The following FLI1 variants were observed in gnomAD, a reference collection of about 807,000 sequenced individuals.
FLI1 encodes Friend leukemia integration 1 transcription factor.
FLI1 carries 13 observed loss-of-function variants against 53.1 expected under a neutral mutation model. The ratio of observed to expected loss-of-function variants is 0.24; its 90% CI spans 0.16 to 0.39. The LOEUF is 0.39. Among genes scored for constraint, FLI1 ranks in the 10% least tolerant of loss-of-function variants. The pLI is 1.00. For missense variants in FLI1, 424 were observed against 600.5 expected, an observed-to-expected ratio of 0.71 and a Z score of 3.07; for synonymous variants, 244 against 236.7, an observed-to-expected ratio of 1.03 and a Z score of -0.28.
At chr11:128,711,308 G>T (rs1938775924) in intron 1 of FLI1, among the ~76,000 whole-genome samples, 2 of 152,174 alleles carry the variant, frequency 1.3e-5, no homozygotes, top group South Asian at 2.1e-4. Context: ...GGATTATTTT[G>T]ATCTGAGTCA....
At chr11:128,726,126 T>C (rs1591756888) in intron 1 of FLI1, among the ~76,000 whole-genome samples, 1 of 152,136 alleles carries the variant, frequency 6.6e-6, no homozygotes, top group African/African-American at 2.4e-5. Context: ...AGGTCCGGTC[T>C]CCCCTCTCCA....
At chr11:128,756,800 G>A (rs1373629284) in intron 1 of FLI1, among the ~76,000 whole-genome samples, 1 of 152,182 alleles carries the variant, frequency 6.6e-6, no homozygotes, top group African/African-American at 2.4e-5. Context: ...GACCTTGGAT[G>A]CCTGTGATTC....
chr11:128,791,720 A>C (rs560167879), intron 5 of FLI1, among the ~76,000 whole-genome samples: 1 of 152,164 alleles, frequency 6.6e-6, no homozygotes, highest in South Asian at 2.1e-4. Flanking sequence ...CTAAATTTCC[A>C]TTGCATGGGA....
intron 1 of FLI1, among the ~76,000 whole-genome samples, chr11:128,720,659 C>T (rs1043282196): frequency 5.9e-5 from 9 of 152,190 alleles, no homozygotes; most frequent in Non-Finnish European, 1.2e-4. Flanking sequence ...CAGGAGGCCT[C>T]TTTTTGCATA....
chr11:128,752,238 A>T (rs952177725), intron 1 of FLI1, among the ~76,000 whole-genome samples: 1 of 152,078 alleles, frequency 6.6e-6, no homozygotes, highest in Admixed American at 6.5e-5. Flanking sequence ...AGCCTTCCAA[A>T]ATGCTGGGAT....
chr11:128,760,648 C>G (rs1941079241), intron 2 of FLI1, among the ~76,000 whole-genome samples: 1 of 151,492 alleles, frequency 6.6e-6, no homozygotes, highest in Non-Finnish European at 1.5e-5. Flanking sequence ...TTGCCTCAGC[C>G]TCCTGAGTAT....
At chr11:128,765,434 G>A (rs906775349) in intron 2 of FLI1, among the ~76,000 whole-genome samples, 16 of 152,162 alleles carry the variant, frequency 1.1e-4, no homozygotes, top group South Asian at 2.1e-4. Flanking sequence ...CCAGGGGCCC[G>A]GCTGATGTGG....
At chr11:128,733,622 A>G (rs547791678) in intron 1 of FLI1, among the ~76,000 whole-genome samples, 22 of 152,330 alleles carry the variant, frequency 1.4e-4, no homozygotes, top group African/African-American at 5.3e-4. Context: ...TCAAGCTACA[A>G]AGATCACATT....
chr11:128,795,358 T>C (rs1053820631), intron 5 of FLI1, among the ~76,000 whole-genome samples: 2 of 152,200 alleles, frequency 1.3e-5, no homozygotes, highest in African/African-American at 4.8e-5. Context: ...GTGAGTTTTC[T>C]CCTGGCTCTT....
rs142548546 is a variant in FLI1, at chr11:128,772,994, C to T, written c.589+9C>T. 9.4e-5 allele frequency: 151 copies of T among 1,611,736 alleles called. No individual in the cohort carries two copies. The highest frequency in any genetic ancestry group is 1.3e-4 in the East Asian group (6 of 44,882). On this transcript the variant is annotated intron_variant, in intron 4 of 8. Transcript: ENST00000527786. Reference sequence around the variant, plus strand: ...CAGTTACCTCAGGGAAAGTAAGTGCCGCCCAAGTACCCAGGGCTGGGAGGA... The same window carrying T: ...CAGTTACCTCAGGGAAAGTAAGTGCTGCCCAAGTACCCAGGGCTGGGAGGA...
At chr11:128,808,952 T>C (rs1423726193) in intron 7 of FLI1, among the ~76,000 whole-genome samples, 1 of 152,218 alleles carries the variant, frequency 6.6e-6, no homozygotes, top group Non-Finnish European at 1.5e-5. Flanking sequence ...TCCTATTCTT[T>C]GTTCTTTCTG....
intron 1 of FLI1, among the ~76,000 whole-genome samples, chr11:128,700,232 G>C (rs1186440977): frequency 6.6e-6 from 1 of 152,178 alleles, no homozygotes; most frequent in East Asian, 1.9e-4. Flanking sequence ...TAGCCCTATG[G>C]GAGATAATAC....
At chr11:128,708,542 C>T (rs560993767) in intron 1 of FLI1, among the ~76,000 whole-genome samples, 4 of 152,152 alleles carry the variant, frequency 2.6e-5, no homozygotes, top group Admixed American at 6.5e-5. Context: ...AGGCTGGCTT[C>T]GTGACATTGG....
At chr11:128,740,638 C>G (rs1940095579) in intron 1 of FLI1, among the ~76,000 whole-genome samples, 1 of 152,188 alleles carries the variant, frequency 6.6e-6, no homozygotes, top group African/African-American at 2.4e-5. Flanking sequence ...GGGAGAAGCC[C>G]CGCCCAAACT....
chr11:128,750,522 G>C (rs1940597391), intron 1 of FLI1, among the ~76,000 whole-genome samples: 1 of 152,220 alleles, frequency 6.6e-6, no homozygotes, highest in South Asian at 2.1e-4. Flanking sequence ...CCACACACAG[G>C]ATAATGGCAG....
chr11:128,768,062 G>A (rs1235322339), intron 2 of FLI1, 56 bp from the exon 3 acceptor site: 3 of 1,501,802 alleles, frequency 2.0e-6, no homozygotes, highest in Admixed American at 4.1e-5. Flanking sequence ...CAGAGGCTGA[G>A]GCAAGCTGCC....
intron 1 of FLI1, among the ~76,000 whole-genome samples, chr11:128,746,725 C>T (rs1172895546): frequency 1.3e-5 from 2 of 152,134 alleles, no homozygotes; most frequent in East Asian, 1.9e-4. Flanking sequence ...TCACTCCCCA[C>T]GGAAGCTTTT....
intron 1 of FLI1, among the ~76,000 whole-genome samples, chr11:128,746,054 C>T (rs1940374173): frequency 6.6e-6 from 1 of 152,150 alleles, no homozygotes; most frequent in Non-Finnish European, 1.5e-5. Context: ...GAAAATTAGG[C>T]AAGCCTTGGG....
Position 128,764,558 on chromosome 11 carries a change from T to C in FLI1, c.231-3560T>C, listed in dbSNP as rs1402812433. 4 of 1,168,226 alleles carry C rather than the reference T, an allele frequency of 3.4e-6. No individual in the cohort carries two copies. The Admixed American group carries it at 8.1e-5, about 24-fold the overall frequency. The allele number at this position is 1,168,226 out of a possible 1,614,324, so 72.4% of individuals were successfully genotyped here. On this transcript the variant is annotated intron_variant, in intron 2 of 8. Transcript: ENST00000527786. ...CCATGCTAGCTGTAAGTGCAGGTCT[T>C]AATACAAATTAGCAGCAGTGCAGGC...
Sources: gnomAD v4.1 joint callset for allele counts (sites outside exome capture counted in the v4.1 genomes callset) on GRCh38, gnomAD v4.1.1 for gene constraint, MANE v1.5 for transcripts, NCBI Gene and HGNC (gene_info 2026-07-23, HGNC 2026-07-21) for gene names.